Variants in BIRC6 observed in about 807,000 individuals in gnomAD.
The protein encoded by BIRC6 is dual E2 ubiquitin-conjugating enzyme/E3 ubiquitin-protein ligase BIRC6.
Under a neutral mutation model 503.3 loss-of-function variants are expected in BIRC6, and 98 were observed. That is an observed-to-expected ratio of 0.19 (90% CI 0.17 to 0.23). The LOEUF (loss-of-function observed/expected upper bound fraction) is 0.23, where lower values mean the gene tolerates loss of function less well. BIRC6 is among the 10% of genes least tolerant of loss of function. The pLI is 1.00. For synonymous variants in BIRC6, 2,240 were observed against 2,078.7 expected, an observed-to-expected ratio of 1.08 and a Z score of -2.11; for missense variants, 5,360 against 5,806.0, an observed-to-expected ratio of 0.92 and a Z score of 2.50.
chr2:32,471,210 C>T, intron 32 of BIRC6, 86 bp downstream of exon 32: 1 of 1,507,764 alleles, frequency 6.6e-7, no homozygotes, highest in Non-Finnish European at 8.9e-7. Context: ...GCAGTTGTTC[C>T]AGAACTGGCT....
intron 1 of BIRC6, among the ~76,000 whole-genome samples, chr2:32,374,718 T>C (rs969392034): frequency 2.4e-4 from 36 of 151,988 alleles, no homozygotes; most frequent in African/African-American, 8.7e-4. Context: ...GTGATCCACC[T>C]GCCTCGGCCT....
intron 15 of BIRC6, among the ~76,000 whole-genome samples, chr2:32,436,931 C>T (rs2148163784): frequency 7.4e-6 from 1 of 135,380 alleles, no homozygotes; most frequent in East Asian, 2.2e-4. Flanking sequence ...CTCTGTTACC[C>T]AGGTTGGAGT....
intron 65 of BIRC6, among the ~76,000 whole-genome samples, chr2:32,562,200 T>C (rs981725903): frequency 3.3e-5 from 5 of 152,182 alleles, no homozygotes; most frequent in Non-Finnish European, 5.9e-5. Context: ...GAGAAGAAGA[T>C]TCTCATTTTG....
At chr2:32,533,547 A>G (rs188314745) in intron 61 of BIRC6, among the ~76,000 whole-genome samples, 1 of 152,238 alleles carries the variant, frequency 6.6e-6, no homozygotes, top group Admixed American at 6.5e-5. Flanking sequence ...CATGCTCCAA[A>G]GTATAAGCCA....
At position 32,404,004 on chromosome 2, in the gene BIRC6, A is replaced by T. The variant is rs570038863; in HGVS notation, c.1418+2381A>T. 6.1e-4 allele frequency among the ~76,000 whole-genome samples: 91 copies of T among 150,028 alleles called. 1 individual carries two copies. The highest frequency in any genetic ancestry group is 1.8e-3 in the African/African-American group (74 of 40,814). On this transcript the variant is annotated intron_variant, in intron 8 of 73. Transcript: ENST00000421745. The stretch of plus-strand genomic sequence containing the variant: ...GTGCAGTGGCGCAATCTTGGCTCAC[A>T]GCAACCTCTGCCTCCCAGGTTCAAA...
Position 32,514,980 on chromosome 2 carries a change from T to C in BIRC6, c.10569-10T>C. ...CTTGTATCATTAATATGATATCTTT[T>C]ATTTTTTAGGTTACTTTTTAATTGG... On this transcript the variant is annotated splice_polypyrimidine_tract_variant and intron_variant, in intron 54 of 73. Coordinates refer to ENST00000421745, the MANE Select transcript of BIRC6 (RefSeq NM_016252.4). 6.3e-7 allele frequency: 1 copy of C among 1,590,074 alleles called. No homozygotes were observed. The highest frequency in any genetic ancestry group is 8.6e-7 in the Non-Finnish European group (1 of 1,163,386).
chr2:32,443,807 A>C (rs2045673435), intron 20 of BIRC6, among the ~76,000 whole-genome samples: 1 of 152,212 alleles, frequency 6.6e-6, no homozygotes, highest in Admixed American at 6.5e-5. Context: ...CGTTAATATC[A>C]AGTCATCTCA....
intron 65 of BIRC6, among the ~76,000 whole-genome samples, chr2:32,568,441 A>G (rs1348159350): frequency 6.8e-6 from 1 of 146,900 alleles, no homozygotes; most frequent in Non-Finnish European, 1.5e-5. Flanking sequence ...ACAAAGTGCA[A>G]TGGTTACACC....
Position 32,467,599 on chromosome 2 carries a change from G to T in BIRC6, c.5431G>T (p.Asp1811Tyr), listed in dbSNP as rs1459221345. The T allele has an allele frequency of 1.9e-6, 3 of 1,613,962 alleles. No individual in the cohort carries two copies. Among genetic ancestry groups the T allele is most frequent in the Admixed American group, 3.3e-5 (2 of 60,022 alleles). Residue 1811 changes from aspartate to tyrosine, a missense_variant, in exon 27 of 74, where the codon GAC (aspartate) becomes TAC (tyrosine). Transcript: ENST00000421745. ...LTDVLIPTCG[D>Y]LASLSIDIWT... Reference sequence around the variant, plus strand: ...TGATGTATTGATTCCCACTTGTGGAGACTTGGCCTCTTTGTCAATTGACAT... The same window carrying T: ...TGATGTATTGATTCCCACTTGTGGATACTTGGCCTCTTTGTCAATTGACAT...
chr2:32,606,521 A>C (rs2062466209), intron 71 of BIRC6, among the ~76,000 whole-genome samples: 1 of 152,138 alleles, frequency 6.6e-6, no homozygotes, highest in Non-Finnish European at 1.5e-5. Context: ...TGGACCCAGG[A>C]GACGGAGGTT....
intron 57 of BIRC6, among the ~76,000 whole-genome samples, chr2:32,520,023 G>T (rs2149785725): frequency 6.6e-6 from 1 of 152,288 alleles, no homozygotes; most frequent in East Asian, 1.9e-4. Flanking sequence ...ATGTCTGTTT[G>T]CATTATAACA....
Position 32,440,751 on chromosome 2 carries a change from T to TTTTTTATTATTATTATTATTATTA in BIRC6, c.3811-576_3811-575insTTTATTATTATTATTATTATTATT, listed in dbSNP as rs773312894. Among the ~76,000 whole-genome samples the TTTTTTATTATTATTATTATTATTA allele has an allele frequency of 8.2e-3, 1,207 of 147,166 alleles. 11 individuals are homozygous for TTTTTTATTATTATTATTATTATTA. The highest frequency in any genetic ancestry group is 0.024 in the South Asian group (115 of 4,696). On this transcript the variant is annotated intron_variant, in intron 16 of 73. Transcript: ENST00000421745. ...TATTTTATTTTATTGTGTTTATTTATTTATTATTATTATTATTATTATTAT... is the reference window on the plus strand; with the variant it reads ...TATTTTATTTTATTGTGTTTATTTATTTTTTATTATTATTATTATTATTATTATTATTATTATTATTATTATTAT...
rs186686868 is a variant in BIRC6, at chr2:32,609,437, T to G, written c.14259+1794T>G. On this transcript the variant is annotated intron_variant, in intron 72 of 73. Coordinates refer to ENST00000421745, the MANE Select transcript of BIRC6 (RefSeq NM_016252.4). ...TGATTGTGTCCAGAAACATTTTTCTTTCTTAAAATTGTTTCACTTGATCAT... is the reference window on the plus strand; with the variant it reads ...TGATTGTGTCCAGAAACATTTTTCTGTCTTAAAATTGTTTCACTTGATCAT... Among the ~76,000 whole-genome samples, 3 of 152,310 alleles carry G rather than the reference T, an allele frequency of 2.0e-5. No homozygotes were observed. In the East Asian group the frequency reaches 5.8e-4, roughly 29 times the overall value.
intron 66 of BIRC6, among the ~76,000 whole-genome samples, chr2:32,592,401 A>G (rs1559120262): frequency 6.6e-6 from 1 of 152,200 alleles, no homozygotes; most frequent in South Asian, 2.1e-4. Flanking sequence ...TTGTTTACAC[A>G]TTGTAGGAAC....
chr2:32,469,427 T>G lies in BIRC6; in HGVS notation c.6160T>G (p.Phe2054Val). 6.2e-7 allele frequency: 1 copy of G among 1,613,884 alleles called. No individual in the cohort carries two copies. The change falls in exon 30 of 74, where the codon TTT (phenylalanine) becomes GTT (valine). Residue 2054 changes from phenylalanine (F) to valine (V), a missense_variant. By Grantham distance (50) the Phe-to-Val change is conservative (BLOSUM62 -1). Around this residue, in one of 16 missense-constraint regions of BIRC6, gnomAD observed 2,299 missense variants for 2,267.2 expected, o/e 1.01. Coordinates refer to ENST00000421745, the MANE Select transcript of BIRC6 (RefSeq NM_016252.4). Reference sequence around the variant, plus strand: ...TGTTCCTGCAGTTTTGCAGAGCACATTTCATGCCCAGGCCTGTGAAGAGCT... The same window carrying G: ...TGTTCCTGCAGTTTTGCAGAGCACAGTTCATGCCCAGGCCTGTGAAGAGCT... ...HSVPAVLQST[F>V]HAQACEELFK...
chr2:32,454,489 TC>T (rs1175196435), intron 23 of BIRC6, among the ~76,000 whole-genome samples: 1 of 151,984 alleles, frequency 6.6e-6, no homozygotes, highest in Non-Finnish European at 1.5e-5. Flanking sequence ...ATTTTTTTTT[TC>T]CTTCTCACGT....
intron 15 of BIRC6, among the ~76,000 whole-genome samples, chr2:32,438,585 AG>A (rs2045019418): frequency 8.1e-6 from 1 of 123,072 alleles, no homozygotes; most frequent in Non-Finnish European, 1.6e-5. Context: ...TTTGAGACGG[AG>A]TCTTGCTCTG....
chr2:32,371,028 CA>C (rs1467980312), intron 1 of BIRC6, among the ~76,000 whole-genome samples: 1 of 151,706 alleles, frequency 6.6e-6, no homozygotes, highest in Non-Finnish European at 1.5e-5. Context: ...TCCTGGGCAA[CA>C]TGGCAAAACC....
chr2:32,604,585 T>G (rs1441305341), intron 71 of BIRC6, among the ~76,000 whole-genome samples: 1 of 152,262 alleles, frequency 6.6e-6, no homozygotes, highest in Non-Finnish European at 1.5e-5. Context: ...CAGGAAGTAT[T>G]GATCTCTGAT....
Sources: allele counts gnomAD v4.1 joint callset (sites outside exome capture counted in the v4.1 genomes callset), GRCh38; gene constraint gnomAD v4.1.1; regional missense constraint gnomAD v4.1.1; transcripts MANE v1.5; gene names NCBI Gene and HGNC (gene_info 2026-07-23, HGNC 2026-07-21).